KLRG1: variants seen among roughly 807,000 people sequenced by gnomAD.
The protein encoded by KLRG1 is killer cell lectin-like receptor subfamily G member 1.
In KLRG1, 16 loss-of-function variants were observed where a neutral mutation model predicts 21.8. The ratio of observed to expected loss-of-function variants is 0.73; its 90% CI spans 0.50 to 1.11. The LOEUF (loss-of-function observed/expected upper bound fraction) is 1.11. Ranked by LOEUF, KLRG1 falls within the 50% of genes most tolerant of loss-of-function variation. The probability of loss-of-function intolerance (pLI) is 0.00; values close to 1 mark genes in which losing one functional copy is unlikely to be tolerated. For synonymous variants in KLRG1, 69 were observed against 75.9 expected (o/e 0.91, Z 0.47); for missense variants, 173 against 218.3 (o/e 0.79, Z 1.31).
the KLRG1 span, among the ~76,000 whole-genome samples, chr12:9,121,772 G>A: frequency 4.5e-3 from 684 of 152,252 alleles, 3 homozygotes; most frequent in Non-Finnish European, 6.3e-3. The surrounding 1 kb of genome is among the most constrained non-coding windows in gnomAD (Gnocchi z 4.4). Context: ...GGGGCATGCC[G>A]AAGTATTTTT....
chr12:9,002,689 C>T (rs1167949234), intron 3 of KLRG1, among the ~76,000 whole-genome samples: 2 of 152,052 alleles, frequency 1.3e-5, no homozygotes, highest in African/African-American at 4.8e-5. Context: ...GTCTCAGCCT[C>T]CTAAGTAGCT....
the KLRG1 span, among the ~76,000 whole-genome samples, chr12:9,149,947 G>C: frequency 6.6e-6 from 1 of 152,036 alleles, no homozygotes; most frequent in South Asian, 2.1e-4. Flanking sequence ...AAAGATTATT[G>C]TTCCAGCTTG....
intron 1 of KLRG1, among the ~76,000 whole-genome samples, chr12:8,957,271 C>T (rs1220836513): frequency 1.3e-5 from 2 of 152,214 alleles, no homozygotes; most frequent in Admixed American, 6.5e-5. Context: ...CTGCTGTAGA[C>T]AGCATCTAAC....
chr12:9,164,270 A>T, the KLRG1 span: 2 of 1,611,354 alleles, frequency 1.2e-6, no homozygotes, highest in Admixed American at 1.7e-5. Flanking sequence ...CTATCACCCC[A>T]TGTGAGGCAG....
chr12:9,101,264 T>A, the KLRG1 span: 1 of 1,509,602 alleles, frequency 6.6e-7, no homozygotes, highest in Non-Finnish European at 9.0e-7. Flanking sequence ...CGCTTCAGTC[T>A]CACTTCAATA....
chr12:9,143,844 A>G, the KLRG1 span, among the ~76,000 whole-genome samples: 3 of 152,132 alleles, frequency 2.0e-5, no homozygotes, highest in Non-Finnish European at 2.9e-5. Flanking sequence ...GGAATTTTGG[A>G]TTGTTGAGCA....
chr12:9,169,313 C>G, the KLRG1 span: 1 of 1,042,688 alleles, frequency 9.6e-7, no homozygotes, highest in Non-Finnish European at 1.3e-6. Context: ...TCATTTTTGT[C>G]TGCTGAAAAA....
chr12:8,956,743 G>A (rs937880104), intron 1 of KLRG1, among the ~76,000 whole-genome samples: 16 of 152,218 alleles, frequency 1.1e-4, no homozygotes, highest in Non-Finnish European at 2.2e-4. Context: ...CACTGCACCT[G>A]ACCTTTGAAG....
the KLRG1 span, among the ~76,000 whole-genome samples, chr12:9,020,456 C>T: frequency 6.6e-6 from 1 of 152,268 alleles, no homozygotes; most frequent in East Asian, 1.9e-4. Flanking sequence ...TACTTTCTGT[C>T]ACTATATATC....
chr12:9,122,790 T>G, the KLRG1 span, among the ~76,000 whole-genome samples: 49 of 152,240 alleles, frequency 3.2e-4, 1 homozygote, highest in African/African-American at 1.1e-3. Context: ...TCATTTATTT[T>G]CAAAGCAAGT....
intron 3 of KLRG1, among the ~76,000 whole-genome samples, chr12:8,998,212 C>T (rs1052109560): frequency 6.6e-6 from 1 of 152,012 alleles, no homozygotes; most frequent in East Asian, 1.9e-4. Context: ...ACCTGTAATC[C>T]CAGCTTCTTG....
At chr12:9,148,882 G>A in the KLRG1 span, 1 of 1,121,510 alleles carries the variant, frequency 8.9e-7, no homozygotes, top group Non-Finnish European at 1.3e-6. Context: ...AATATTTTTA[G>A]TGTCTATTTT....
chr12:9,117,692 T>C, the KLRG1 span, among the ~76,000 whole-genome samples: 1 of 152,180 alleles, frequency 6.6e-6, no homozygotes, highest in Non-Finnish European at 1.5e-5. Context: ...CATTTGAATC[T>C]TGAGCTTACA....
chr12:9,029,325 C>CCTG, the KLRG1 span, among the ~76,000 whole-genome samples: 1 of 151,882 alleles, frequency 6.6e-6, no homozygotes, highest in Non-Finnish European at 1.5e-5. Flanking sequence ...AAGTGATTCT[C>CCTG]CTGCTTCAGC....
the KLRG1 span, among the ~76,000 whole-genome samples, chr12:9,073,975 A>G: frequency 6.6e-6 from 1 of 151,390 alleles, no homozygotes; most frequent in Non-Finnish European, 1.5e-5. Flanking sequence ...GTAATCCTAG[A>G]TACTTGGGAG....
At chr12:9,022,705 T>G in the KLRG1 span, among the ~76,000 whole-genome samples, 1 of 152,188 alleles carries the variant, frequency 6.6e-6, no homozygotes, top group African/African-American at 2.4e-5. Flanking sequence ...TGGCCAATGA[T>G]GTAATCAATT....
At chr12:8,960,176 G>A (rs1448144662) in intron 1 of KLRG1, among the ~76,000 whole-genome samples, 2 of 152,180 alleles carry the variant, frequency 1.3e-5, no homozygotes, top group African/African-American at 2.4e-5. Context: ...CTTAATGCAT[G>A]GAGAGACTAT....
chr12:9,085,190 A>G, the KLRG1 span, among the ~76,000 whole-genome samples: 5 of 152,112 alleles, frequency 3.3e-5, no homozygotes, highest in Non-Finnish European at 5.9e-5. Flanking sequence ...CCTAATGGAT[A>G]CATACAGAAC....
At chr12:9,144,850 G>A in the KLRG1 span, among the ~76,000 whole-genome samples, 6 of 152,316 alleles carry the variant, frequency 3.9e-5, no homozygotes, top group East Asian at 1.2e-3. Context: ...GTGTTGGAAT[G>A]TTTCTGGTCA....
Sources: gnomAD v4.1 joint callset for allele counts (sites outside exome capture counted in the v4.1 genomes callset) on GRCh38, gnomAD v4.1.1 for gene constraint, Gnocchi (gnomAD v3.1) non-coding constraint, MANE v1.5 for transcripts, NCBI Gene and HGNC (gene_info 2026-07-23, HGNC 2026-07-21) for gene names.